DST: variants seen among roughly 807,000 people sequenced by gnomAD.
DST encodes dystonin.
In DST, 253 loss-of-function variants were observed where a neutral mutation model predicts 875.2. The ratio of observed to expected loss-of-function variants is 0.29; its 90% CI spans 0.26 to 0.32. The LOEUF is 0.32. DST is among the 10% of genes least tolerant of loss of function. The probability of loss-of-function intolerance (pLI) is 1.00; values close to 1 mark genes in which losing one functional copy is unlikely to be tolerated. For missense variants in DST, 8,287 were observed against 9,111.6 expected (o/e 0.91, Z 3.68); for synonymous variants, 3,124 against 3,197.1 (o/e 0.98, Z 0.77).
chr6:56,677,305 A>ACCAT (rs748260391), intron 9 of DST, among the ~76,000 whole-genome samples: 1 of 151,934 alleles, frequency 6.6e-6, no homozygotes, highest in Non-Finnish European at 1.5e-5. Flanking sequence ...CTACTTATGT[A>ACCAT]CCATCCATCC....
intron 4 of DST, among the ~76,000 whole-genome samples, chr6:56,777,045 T>C (rs999013995): frequency 1.3e-5 from 2 of 152,138 alleles, no homozygotes; most frequent in African/African-American, 4.8e-5. Flanking sequence ...TTTTATAAAT[T>C]GGCTAGAAAT....
chr6:56,741,360 T>C (rs2099546212), intron 4 of DST, among the ~76,000 whole-genome samples: 1 of 152,202 alleles, frequency 6.6e-6, no homozygotes, highest in Non-Finnish European at 1.5e-5. Flanking sequence ...ATAACACACA[T>C]AATTCATAAA....
intron 4 of DST, among the ~76,000 whole-genome samples, chr6:56,834,057 G>A (rs2099790587): frequency 6.6e-6 from 1 of 152,106 alleles, no homozygotes; most frequent in African/African-American, 2.4e-5. Flanking sequence ...GCAAGACCCT[G>A]TCTCTATATA....
chr6:56,604,648 A>G lies in DST; in HGVS notation c.9980T>C (p.Leu3327Pro). The G allele has an allele frequency of 6.2e-7, 1 of 1,612,548 alleles. No homozygotes were observed. Among genetic ancestry groups the G allele is most frequent in the Non-Finnish European group, 8.5e-7 (1 of 1,179,138 alleles). The change falls in exon 40 of 104, where the codon CTA becomes CCA. Residue 3327 changes from leucine to proline, a missense_variant. By Grantham distance (98) the Leu-to-Pro change is moderately conservative. Coordinates refer to ENST00000680361, the MANE Select transcript of DST (RefSeq NM_001374736.1). ...TGGAGACAAGGCTTGTTCTTTTGGT[A>G]GCTGTTGCTCAATTCTTTCTTTCTT... Reference protein sequence around the residue: ...NNKKERIEQQLPKEQALSPRS... With the variant: ...NNKKERIEQQPPKEQALSPRS...
intron 69 of DST, among the ~76,000 whole-genome samples, chr6:56,522,458 T>G (rs7741295): frequency 0.79 from 120,334 of 152,080 alleles, 48,174 homozygotes; most frequent in African/African-American, 0.91. Context: ...CCCTTCCCCT[T>G]ACTGGGGATC....
intron 2 of DST, among the ~76,000 whole-genome samples, chr6:56,924,235 A>G (rs1805814354): frequency 6.6e-6 from 1 of 152,140 alleles, no homozygotes; most frequent in Non-Finnish European, 1.5e-5. Flanking sequence ...GTGCTTGCCA[A>G]AATTCATGGT....
chr6:56,786,117 T>C (rs567757258), intron 4 of DST, among the ~76,000 whole-genome samples: 1 of 152,292 alleles, frequency 6.6e-6, no homozygotes, highest in East Asian at 1.9e-4. Context: ...TGCATGCACA[T>C]ATGTGCACGT....
chr6:56,564,207 A>G (rs1219152542), intron 55 of DST, among the ~76,000 whole-genome samples: 1 of 152,240 alleles, frequency 6.6e-6, no homozygotes, highest in Non-Finnish European at 1.5e-5. Context: ...CCTACCCATG[A>G]GCATGGAATG....
chr6:56,927,034 G>A (rs1807560063), intron 2 of DST, among the ~76,000 whole-genome samples: 2 of 152,172 alleles, frequency 1.3e-5, no homozygotes, highest in South Asian at 4.1e-4. Flanking sequence ...GTAAGAGGGA[G>A]AATTAATTAG....
chr6:56,575,381 GA>G (rs2097848979), intron 50 of DST, among the ~76,000 whole-genome samples: 1 of 152,070 alleles, frequency 6.6e-6, no homozygotes, highest in South Asian at 2.1e-4. Flanking sequence ...GAAAAAAAAT[GA>G]GCTCTAATTT....
At chr6:56,468,411 A>G (rs985018119) in intron 98 of DST, among the ~76,000 whole-genome samples, 3 of 152,226 alleles carry the variant, frequency 2.0e-5, no homozygotes, top group Non-Finnish European at 2.9e-5. Context: ...TATTACTTAA[A>G]GCCTACTGAG....
At chr6:56,800,355 T>A (rs1278386654) in intron 4 of DST, among the ~76,000 whole-genome samples, 3 of 152,254 alleles carry the variant, frequency 2.0e-5, no homozygotes, top group Non-Finnish European at 2.9e-5. Flanking sequence ...ACTCTATTGA[T>A]ATAATTCTAG....
At chr6:56,479,185 A>C (rs1216393752) in intron 90 of DST, among the ~76,000 whole-genome samples, 2 of 152,198 alleles carry the variant, frequency 1.3e-5, no homozygotes, top group African/African-American at 4.8e-5. Context: ...AATGCTCAAC[A>C]TCACTAATTA....
intron 9 of DST, among the ~76,000 whole-genome samples, chr6:56,681,132 G>A (rs1026470333): frequency 6.6e-5 from 10 of 152,198 alleles, no homozygotes; most frequent in South Asian, 4.2e-4. Context: ...AATGTATTGA[G>A]AACTTAATTT....
chr6:56,813,311 C>A (rs926421324), intron 4 of DST, among the ~76,000 whole-genome samples: 1 of 149,872 alleles, frequency 6.7e-6, no homozygotes, highest in African/African-American at 2.5e-5. Flanking sequence ...GTGCAGCACA[C>A]CAGCATGGCA....
chr6:56,498,213 G>A (rs922158086), intron 80 of DST, among the ~76,000 whole-genome samples, 160 bp from the exon 81 acceptor site: 1 of 151,944 alleles, frequency 6.6e-6, no homozygotes, highest in Admixed American at 6.6e-5. Context: ...TTACTCTGTG[G>A]CCCAGGCTGC....
chr6:56,535,322 T>A, intron 62 of DST, 30 bp from the exon 63 acceptor site: 1 of 1,546,944 alleles, frequency 6.5e-7, no homozygotes, highest in Non-Finnish European at 8.6e-7. Flanking sequence ...TCCACTTATT[T>A]ATTTGTTTCA....
chr6:56,944,626 C>T (rs1818475475), intron 2 of DST, among the ~76,000 whole-genome samples: 1 of 152,102 alleles, frequency 6.6e-6, no homozygotes, highest in African/African-American at 2.4e-5. Flanking sequence ...ATGGTAGACT[C>T]GACCTATCAC....
chr6:56,803,979 A>C (rs1339726332), intron 4 of DST, among the ~76,000 whole-genome samples: 1 of 152,190 alleles, frequency 6.6e-6, no homozygotes, highest in Non-Finnish European at 1.5e-5. Flanking sequence ...ATTTCACTGA[A>C]TCTAAAGTCC....
Sources: allele counts gnomAD v4.1 joint callset (sites outside exome capture counted in the v4.1 genomes callset), GRCh38; gene constraint gnomAD v4.1.1; transcripts MANE v1.5; gene names NCBI Gene and HGNC (gene_info 2026-07-23, HGNC 2026-07-21).